OR1J2: variants seen among roughly 807,000 people sequenced by gnomAD.
OR1J2 encodes the protein olfactory receptor 1J2.
For missense variants in OR1J2, 304 were observed against 246.1 expected, an observed-to-expected ratio of 1.24 and a Z score of -1.57; for synonymous variants, 142 against 99.7, an observed-to-expected ratio of 1.42 and a Z score of -2.52.
the OR1J2 span, among the ~76,000 whole-genome samples, chr9:122,458,844 T>C: frequency 1.3e-5 from 2 of 152,180 alleles, no homozygotes; most frequent in African/African-American, 4.8e-5. Flanking sequence ...TGCTTTTTTT[T>C]TTCTTTTCTC....
At chr9:122,559,020 G>A in the OR1J2 span, among the ~76,000 whole-genome samples, 297 of 151,998 alleles carry the variant, frequency 2.0e-3, 10 homozygotes, top group East Asian at 0.052. Context: ...TCACATATCC[G>A]TCATCTCAAC....
At chr9:122,478,723 A>G in the OR1J2 span, among the ~76,000 whole-genome samples, 2 of 152,180 alleles carry the variant, frequency 1.3e-5, no homozygotes, top group African/African-American at 2.4e-5. Context: ...AGTAAGCAAC[A>G]AGATAGAAAA....
chr9:122,454,104 C>T, the OR1J2 span, among the ~76,000 whole-genome samples: 1 of 152,204 alleles, frequency 6.6e-6, no homozygotes, highest in African/African-American at 2.4e-5. Context: ...TGGCTTCGGT[C>T]CAATCCTCCT....
At chr9:122,576,602 A>G in the OR1J2 span, among the ~76,000 whole-genome samples, 1 of 152,086 alleles carries the variant, frequency 6.6e-6, no homozygotes, top group African/African-American at 2.4e-5. Flanking sequence ...TATTATGAAT[A>G]CTGTATATAT....
In OR1J2 at chr9:122,510,924, G is replaced by T. The variant is rs150403833; in HGVS notation, c.123G>T (p.Gly41=). 6.2e-7 allele frequency: 1 copy of T among 1,612,320 alleles called. No individual in the cohort carries two copies. The highest frequency in any genetic ancestry group is 1.3e-5 in the African/African-American group (1 of 74,818). ...FLGMYLTTVL[G]NLLIMLLIQL... The stretch of plus-strand genomic sequence containing the variant: ...GCATGTACCTGACCACGGTGCTGGG[G>T]AACCTGCTCATCATGCTGCTCATCC... Residue 41 remains glycine, a synonymous_variant, in exon 1 of 1, where the codon GGG becomes GGT. Transcript: ENST00000335302.
the OR1J2 span, among the ~76,000 whole-genome samples, chr9:122,487,552 T>C: frequency 6.6e-6 from 1 of 152,092 alleles, no homozygotes; most frequent in East Asian, 1.9e-4. Flanking sequence ...ATTCAAATAT[T>C]GTCAGCTCCT....
At chr9:122,497,976 A>G in the OR1J2 span, among the ~76,000 whole-genome samples, 1 of 151,868 alleles carries the variant, frequency 6.6e-6, no homozygotes, top group East Asian at 1.9e-4. Flanking sequence ...CTCTCATGTA[A>G]TTGTGTGGCT....
chr9:122,546,995 G>C, the OR1J2 span, among the ~76,000 whole-genome samples: 19 of 151,990 alleles, frequency 1.3e-4, no homozygotes, highest in African/African-American at 4.4e-4. Flanking sequence ...ACTATGTAAT[G>C]TATTATTGTT....
downstream of OR1J2, among the ~76,000 whole-genome samples, chr9:122,516,174 C>T (rs1176060437): frequency 2.6e-5 from 4 of 152,090 alleles, no homozygotes; most frequent in Non-Finnish European, 5.9e-5. Context: ...GACTTCAAAA[C>T]CTGTGCTTTG....
the OR1J2 span, among the ~76,000 whole-genome samples, chr9:122,562,209 T>C: frequency 2.0e-5 from 3 of 152,222 alleles, no homozygotes; most frequent in African/African-American, 7.2e-5. Context: ...GACCTGGAGC[T>C]ATAGAGATGG....
chr9:122,564,256 A>G, the OR1J2 span, among the ~76,000 whole-genome samples: 2,965 of 152,020 alleles, frequency 0.02, 245 homozygotes, highest in East Asian at 0.28. Flanking sequence ...CGATCCCAAA[A>G]CCCATCTTGT....
the OR1J2 span, chr9:122,520,121 A>G: frequency 1.4e-6 from 2 of 1,431,542 alleles, no homozygotes; most frequent in Non-Finnish European, 1.9e-6. Context: ...GTACTGACCT[A>G]TTTCCAGATC....
At chr9:122,478,768 T>C in the OR1J2 span, among the ~76,000 whole-genome samples, 1 of 152,172 alleles carries the variant, frequency 6.6e-6, no homozygotes, top group African/African-American at 2.4e-5. Context: ...ACATAATTGC[T>C]CTGATCTTTT....
At chr9:122,467,598 TA>T in the OR1J2 span, among the ~76,000 whole-genome samples, 1 of 152,292 alleles carries the variant, frequency 6.6e-6, no homozygotes, top group African/African-American at 2.4e-5. Flanking sequence ...TACCTCTTAT[TA>T]AAATCCAGAT....
At chr9:122,519,289 G>A in the OR1J2 span, 111 of 1,613,952 alleles carry the variant, frequency 6.9e-5, no homozygotes, top group African/African-American at 6.4e-4. Context: ...CTGCTCATCC[G>A]GCTGGACTCT....
chr9:122,578,577 A>G, the OR1J2 span: 1 of 152,298 alleles, frequency 6.6e-6, no homozygotes, highest in East Asian at 1.9e-4. Context: ...GTGAGTGGAT[A>G]AAGAAATCGT....
the OR1J2 span, among the ~76,000 whole-genome samples, chr9:122,478,510 CT>C: frequency 1.3e-5 from 2 of 152,122 alleles, no homozygotes; most frequent in African/African-American, 4.8e-5. Context: ...TTATAGACCC[CT>C]AATCTTTTTT....
the OR1J2 span, chr9:122,519,796 G>A: frequency 1.2e-6 from 2 of 1,614,114 alleles, no homozygotes; most frequent in South Asian, 1.1e-5. Flanking sequence ...ATCTCTTATG[G>A]CCACATTGGG....
the OR1J2 span, among the ~76,000 whole-genome samples, chr9:122,466,617 CAG>C: frequency 6.6e-6 from 1 of 152,142 alleles, no homozygotes; most frequent in Admixed American, 6.5e-5. Flanking sequence ...TAACACTAGG[CAG>C]AGACTCCCTG....
Sources: allele counts gnomAD v4.1 joint callset (sites outside exome capture counted in the v4.1 genomes callset), GRCh38; gene constraint gnomAD v4.1.1; transcripts MANE v1.5; gene names NCBI Gene and HGNC (gene_info 2026-07-23, HGNC 2026-07-21).